SLC8A1: variants seen among roughly 807,000 people sequenced by gnomAD.
The protein encoded by SLC8A1 is sodium/calcium exchanger 1.
In SLC8A1, 18 loss-of-function variants were observed where a neutral mutation model predicts 68.3. That is an observed-to-expected ratio of 0.26 (90% confidence interval 0.18 to 0.39). SLC8A1 has a LOEUF of 0.39. Ranked by LOEUF, SLC8A1 falls within the 10% of genes least tolerant of loss-of-function variation. The probability of loss-of-function intolerance (pLI) is 1.00; values close to 1 mark genes in which losing one functional copy is unlikely to be tolerated. For synonymous variants in SLC8A1, 475 were observed against 415.5 expected (o/e 1.14, Z -1.74); for missense variants, 985 against 1,156.7 (o/e 0.85, Z 2.15).
At chr2:40,375,225 T>C (rs80052395) in intron 2 of SLC8A1, among the ~76,000 whole-genome samples, 4,119 of 152,142 alleles carry the variant, frequency 0.027, 85 homozygotes, top group Non-Finnish European at 0.039. Flanking sequence ...AAACAAAAAA[T>C]AGAAACCCTA....
intron 7 of SLC8A1, among the ~76,000 whole-genome samples, chr2:40,122,589 C>G (rs1053880142): frequency 3.3e-5 from 5 of 152,126 alleles, no homozygotes; most frequent in Admixed American, 1.3e-4. Flanking sequence ...CATGAACTTG[C>G]TAGCCCCACC....
chr2:40,490,779 C>G (rs116105827), intron 1 of SLC8A1, among the ~76,000 whole-genome samples: 1 of 151,884 alleles, frequency 6.6e-6, no homozygotes, highest in Non-Finnish European at 1.5e-5. Flanking sequence ...TGAAAAGAAT[C>G]AAAAATTATA....
intron 2 of SLC8A1, among the ~76,000 whole-genome samples, chr2:40,178,754 T>C (rs981630996): frequency 6.6e-6 from 1 of 152,136 alleles, no homozygotes; most frequent in Non-Finnish European, 1.5e-5. Context: ...AATAGGTTTG[T>C]CATCATCATA....
chr2:40,215,543 A>T (rs929064710), intron 2 of SLC8A1, among the ~76,000 whole-genome samples: 2 of 149,366 alleles, frequency 1.3e-5, no homozygotes, highest in Non-Finnish European at 1.5e-5. Context: ...AGGCTGAGGC[A>T]GGAGAATGGC....
At chr2:40,304,179 C>G (rs909829757) in intron 2 of SLC8A1, among the ~76,000 whole-genome samples, 1 of 152,144 alleles carries the variant, frequency 6.6e-6, no homozygotes, top group Admixed American at 6.5e-5. Context: ...TACAGAAGAG[C>G]CCCTGGAAAA....
At chr2:40,449,854 C>T (rs928295610) in intron 1 of SLC8A1, among the ~76,000 whole-genome samples, 4 of 152,074 alleles carry the variant, frequency 2.6e-5, no homozygotes, top group African/African-American at 9.7e-5. Flanking sequence ...TCTGTTCAGT[C>T]CTTTTTGTTG....
At chr2:40,232,659 T>A (rs570618694) in intron 2 of SLC8A1, among the ~76,000 whole-genome samples, 56 of 146,422 alleles carry the variant, frequency 3.8e-4, no homozygotes, top group African/African-American at 1.4e-3. Context: ...TGCAGGTTAG[T>A]TACATACGTA....
At chr2:40,309,618 G>C (rs527563864) in intron 2 of SLC8A1, among the ~76,000 whole-genome samples, 1 of 147,850 alleles carries the variant, frequency 6.8e-6, no homozygotes, top group South Asian at 2.1e-4. Context: ...AGATTCTCCT[G>C]CCTCACCCTC....
At chr2:40,299,743 G>A (rs1348086711) in intron 2 of SLC8A1, among the ~76,000 whole-genome samples, 1 of 152,170 alleles carries the variant, frequency 6.6e-6, no homozygotes, top group African/African-American at 2.4e-5. Flanking sequence ...AAGTGGAAAT[G>A]CAGTTCGGTG....
At chr2:40,308,766 C>T (rs1415454629) in intron 2 of SLC8A1, among the ~76,000 whole-genome samples, 1 of 152,092 alleles carries the variant, frequency 6.6e-6, no homozygotes, top group Non-Finnish European at 1.5e-5. Flanking sequence ...GGAGATCAGA[C>T]ACCTGGCTGA....
In SLC8A1 at chr2:40,415,909, CACAT is replaced by C. The variant is rs1454464679; in HGVS notation, c.1808+12560_1808+12563del. Among the ~76,000 whole-genome samples the C allele has an allele frequency of 1.2e-3, 156 of 133,692 alleles. 1 individual carries two copies. The highest frequency in any genetic ancestry group is 4.0e-3 in the African/African-American group (143 of 35,436). The allele number at this position is 133,692 out of a possible 152,430, so 87.7% of individuals were successfully genotyped here. A position where few individuals can be genotyped will look rare whatever the true frequency, so the allele number is the denominator to read the frequency against. ...ACACACACACACACACACACACACA[CACAT>C]TAGCTGGGCGTGGTGGCAGGTGTCT... On this transcript the variant is annotated intron_variant, in intron 2 of 7. Coordinates refer to ENST00000406785, the Ensembl canonical transcript of SLC8A1.
chr2:40,307,366 A>G (rs1295886437), intron 2 of SLC8A1, among the ~76,000 whole-genome samples: 2 of 152,162 alleles, frequency 1.3e-5, no homozygotes, highest in African/African-American at 4.8e-5. Context: ...GCAAAATGGT[A>G]GTTATCAGGG....
At chr2:40,417,404 A>T (rs773889927) in intron 2 of SLC8A1, among the ~76,000 whole-genome samples, 2 of 152,206 alleles carry the variant, frequency 1.3e-5, no homozygotes, top group East Asian at 1.9e-4. Flanking sequence ...CATAATCAAG[A>T]CATGTTTCTT....
intron 2 of SLC8A1, among the ~76,000 whole-genome samples, chr2:40,346,239 T>G (rs1190705917): frequency 6.6e-6 from 1 of 152,048 alleles, no homozygotes; most frequent in African/African-American, 2.4e-5. Context: ...GAGAAGTTGA[T>G]GGGAGGAGTG....
chr2:40,365,975 G>T (rs996980521), intron 2 of SLC8A1, among the ~76,000 whole-genome samples: 2 of 143,752 alleles, frequency 1.4e-5, no homozygotes, highest in Non-Finnish European at 3.0e-5. Context: ...TAACCTGTGT[G>T]ACAAAATAAG....
intron 1 of SLC8A1, among the ~76,000 whole-genome samples, chr2:40,434,844 T>G (rs1297906544): frequency 6.6e-6 from 1 of 152,052 alleles, no homozygotes; most frequent in Non-Finnish European, 1.5e-5. Flanking sequence ...CAGCTGTGAG[T>G]AGTCCAGCCA....
chr2:40,266,550 A>G (rs984341679), intron 2 of SLC8A1, among the ~76,000 whole-genome samples: 9 of 152,286 alleles, frequency 5.9e-5, no homozygotes, highest in South Asian at 2.1e-4. Flanking sequence ...AGGGCTGTGG[A>G]GAATGATGCG....
At chr2:40,116,379 T>G (rs537447960) in intron 7 of SLC8A1, among the ~76,000 whole-genome samples, 2 of 152,178 alleles carry the variant, frequency 1.3e-5, no homozygotes, top group African/African-American at 4.8e-5. Context: ...TAGTTACATA[T>G]GTATACATGT....
chr2:40,138,044 A>AT (rs1010298816), intron 7 of SLC8A1, among the ~76,000 whole-genome samples: 4 of 152,106 alleles, frequency 2.6e-5, no homozygotes, highest in African/African-American at 9.7e-5. Context: ...ATTTTATTAA[A>AT]TTTTTTCTAT....
Sources: gnomAD v4.1 joint callset for allele counts (sites outside exome capture counted in the v4.1 genomes callset) on GRCh38, gnomAD v4.1.1 for gene constraint, MANE v1.5 for transcripts, NCBI Gene and HGNC (gene_info 2026-07-23, HGNC 2026-07-21) for gene names.